Variants in MBD5 observed in about 807,000 individuals in gnomAD.
MBD5 encodes the protein methyl-CpG-binding domain protein 5.
Under a neutral mutation model 117.3 loss-of-function variants are expected in MBD5, and 13 were observed. The observed-to-expected ratio is 0.11, with a 90% CI of 0.07 to 0.18. The LOEUF (loss-of-function observed/expected upper bound fraction) is 0.18. MBD5 is among the 10% of genes least tolerant of loss of function. The pLI, the probability that MBD5 is intolerant of heterozygous loss-of-function variation, is 1.00. For synonymous variants in MBD5, 727 were observed against 766.4 expected, an observed-to-expected ratio of 0.95 and a Z score of 0.85; for missense variants, 1,879 against 2,093.8, an observed-to-expected ratio of 0.90 and a Z score of 2.00.
At chr2:148,154,752 C>T (rs111952659) in intron 1 of MBD5, among the ~76,000 whole-genome samples, 1,981 of 152,316 alleles carry the variant, frequency 0.013, 49 homozygotes, top group African/African-American at 0.045. Flanking sequence ...TGACCCCTTG[C>T]GCTTCCCAAG....
intron 1 of MBD5, among the ~76,000 whole-genome samples, chr2:148,043,504 T>G (rs1694433866): frequency 6.9e-6 from 1 of 144,946 alleles, no homozygotes; most frequent in Non-Finnish European, 1.5e-5. Flanking sequence ...GACTTTCTAG[T>G]TACTTGGGCT....
At chr2:148,158,855 C>T (rs1244042864) in intron 1 of MBD5, among the ~76,000 whole-genome samples, 2 of 152,168 alleles carry the variant, frequency 1.3e-5, no homozygotes, top group African/African-American at 4.8e-5. Flanking sequence ...GAGTACCTGG[C>T]GCTACAGGCG....
At chr2:148,318,936 G>C (rs1180782204) in intron 3 of MBD5, among the ~76,000 whole-genome samples, 1 of 152,078 alleles carries the variant, frequency 6.6e-6, no homozygotes, top group Non-Finnish European at 1.5e-5. Flanking sequence ...GGGTAGTGTG[G>C]AACTCCTGGC....
intron 12 of MBD5, 76 bp downstream of exon 12, chr2:148,502,585 A>G (rs1456482552): frequency 1.4e-6 from 2 of 1,390,300 alleles, no homozygotes; most frequent in African/African-American, 2.8e-5. Context: ...GGACAATGAA[A>G]TCTCACTGAT....
At chr2:148,057,097 TGTTCTCGAA>T in intron 1 of MBD5, among the ~76,000 whole-genome samples, 1 of 151,840 alleles carries the variant, frequency 6.6e-6, no homozygotes, top group East Asian at 1.9e-4. Context: ...ATGCTTCTCT[TGTTCTCGAA>T]TAACCCTGTA....
intron 6 of MBD5, among the ~76,000 whole-genome samples, chr2:148,463,259 G>A (rs7556746): frequency 0.84 from 127,628 of 152,108 alleles, 55,598 homozygotes; most frequent in South Asian, 0.98. Flanking sequence ...GTGTGTCACC[G>A]CATTCCAAAA....
chr2:148,370,579 A>C (rs772799398), intron 4 of MBD5, among the ~76,000 whole-genome samples: 12 of 152,174 alleles, frequency 7.9e-5, no homozygotes, highest in African/African-American at 2.9e-4. Flanking sequence ...ACCTCTGCCC[A>C]CTGGGCTCAA....
At chr2:148,441,244 G>A (rs1038525028) in intron 4 of MBD5, among the ~76,000 whole-genome samples, 31 of 151,826 alleles carry the variant, frequency 2.0e-4, no homozygotes, top group African/African-American at 6.8e-4. Flanking sequence ...TCCTAATGCT[G>A]TCCCTCCCCC....
rs988715167 is a variant in MBD5 at position 148,201,643 on chromosome 2, A to G, written c.-831+22850A>G. On this transcript the variant is annotated intron_variant, in intron 2 of 13. Transcript: ENST00000642680. ...GTCCGAAGTTCTTGTCCTGCATCCAAGAAGAATGAGGTTATGCTGACAATC... is the reference window on the plus strand; with the variant it reads ...GTCCGAAGTTCTTGTCCTGCATCCAGGAAGAATGAGGTTATGCTGACAATC... 5.9e-5 allele frequency among the ~76,000 whole-genome samples: 9 copies of G among 152,124 alleles called. No homozygotes were observed. In the East Asian group the frequency reaches 1.2e-3, roughly 20 times the overall value.
At chr2:148,326,407 C>T (rs1283617364) in intron 3 of MBD5, among the ~76,000 whole-genome samples, 4 of 151,934 alleles carry the variant, frequency 2.6e-5, no homozygotes, top group East Asian at 1.9e-4. Flanking sequence ...CTTTCTGTCT[C>T]GTTGATCTGT....
At chr2:148,047,144 A>G (rs1426177716) in intron 1 of MBD5, among the ~76,000 whole-genome samples, 1 of 152,196 alleles carries the variant, frequency 6.6e-6, no homozygotes, top group African/African-American at 2.4e-5. Flanking sequence ...CTTCTTATCA[A>G]ATCATCCTGG....
chr2:148,357,162 T>C (rs1703401468), intron 4 of MBD5, among the ~76,000 whole-genome samples: 1 of 152,202 alleles, frequency 6.6e-6, no homozygotes, highest in African/African-American at 2.4e-5. Flanking sequence ...GGCCACCTAC[T>C]CTACATGAGA....
chr2:148,506,905 G>A (rs777687373), intron 12 of MBD5, among the ~76,000 whole-genome samples: 77 of 152,258 alleles, frequency 5.1e-4, no homozygotes, highest in Non-Finnish European at 8.5e-4. Context: ...TGAATTCATA[G>A]AGCTTTTTCT....
chr2:148,080,295 T>C (rs1050959816), intron 1 of MBD5, among the ~76,000 whole-genome samples: 1 of 152,212 alleles, frequency 6.6e-6, no homozygotes, highest in Non-Finnish European at 1.5e-5. Context: ...AATTAGTGTA[T>C]ATGGAAATTC....
intron 11 of MBD5, among the ~76,000 whole-genome samples, chr2:148,499,972 G>A (rs781433666): frequency 5.9e-5 from 9 of 152,198 alleles, no homozygotes; most frequent in South Asian, 4.1e-4. Flanking sequence ...TAGCAGAAAT[G>A]CACAGTGATA....
chr2:148,158,772 T>A (rs942011473), intron 1 of MBD5, among the ~76,000 whole-genome samples: 1 of 152,250 alleles, frequency 6.6e-6, no homozygotes, highest in East Asian at 1.9e-4. Context: ...CAGGCTGGAG[T>A]GCAGTGGCGC....
intron 4 of MBD5, among the ~76,000 whole-genome samples, chr2:148,360,839 A>G (rs889375968): frequency 6.6e-6 from 1 of 152,194 alleles, no homozygotes; most frequent in African/African-American, 2.4e-5. Context: ...TCAAAAACAA[A>G]TAAAAAATAA....
At chr2:148,327,209 G>T (rs536782150) in intron 3 of MBD5, among the ~76,000 whole-genome samples, 2 of 152,226 alleles carry the variant, frequency 1.3e-5, no homozygotes, top group East Asian at 3.9e-4. Context: ...GAGATCTGCT[G>T]TTAGTCTTAT....
intron 4 of MBD5, among the ~76,000 whole-genome samples, chr2:148,376,251 T>C (rs1247040449): frequency 7.1e-6 from 1 of 140,540 alleles, no homozygotes; most frequent in Admixed American, 7.5e-5. Flanking sequence ...CTTATTATAT[T>C]TCTTTTTTTT....
Sources: allele counts gnomAD v4.1 joint callset (sites outside exome capture counted in the v4.1 genomes callset), GRCh38; gene constraint gnomAD v4.1.1; transcripts MANE v1.5; gene names NCBI Gene and HGNC (gene_info 2026-07-23, HGNC 2026-07-21).